The following FAAH2 variants were observed in gnomAD, a reference collection of about 807,000 sequenced individuals.
The protein encoded by FAAH2 is fatty-acid amide hydrolase 2.
In FAAH2, 60 loss-of-function variants were observed where a neutral mutation model predicts 36.9. The observed-to-expected ratio is 1.63, with a 90% CI of 1.32 to 2.02. FAAH2 has a LOEUF of 2.02. Ranked by LOEUF, FAAH2 falls within the 30% of genes most tolerant of loss-of-function variation. FAAH2 has a pLI of 0.00. For synonymous variants in FAAH2, 214 were observed against 143.8 expected (o/e 1.49, Z -3.49); for missense variants, 689 against 397.5 (o/e 1.73, Z -6.23).
At chrX:57,152,124 C>T in the FAAH2 span, among the ~76,000 whole-genome samples, 2 of 111,738 alleles carry the variant, frequency 1.8e-5, no homozygotes. Flanking sequence ...GATCATTCCT[C>T]TGGAAGTTTT....
intron 10 of FAAH2, among the ~76,000 whole-genome samples, chrX:57,455,428 G>T (rs1233398854): frequency 9.0e-6 from 1 of 110,838 alleles, no homozygotes; most frequent in Non-Finnish European, 1.9e-5. Context: ...ATGATGACAG[G>T]ATCAAAATCT....
chrX:57,446,900 G>T (rs1354153364), intron 8 of FAAH2, 28 bp from the exon 9 acceptor site: 1 of 1,117,233 alleles, frequency 9.0e-7, no homozygotes, highest in South Asian at 1.9e-5. Flanking sequence ...AAATACTCTT[G>T]TATTTTATTT....
the FAAH2 span, among the ~76,000 whole-genome samples, chrX:57,225,761 TTCTA>T: frequency 0.074 from 8,244 of 111,707 alleles, 760 homozygotes; most frequent in African/African-American, 0.26. Context: ...ACTATTATGA[TTCTA>T]TCTATCTCAT....
chrX:57,394,652 C>G, intron 7 of FAAH2: 1 of 951,246 alleles, frequency 1.1e-6, no homozygotes, highest in Non-Finnish European at 1.5e-6. Context: ...CGTCGTATGC[C>G]ACATCACCCA....
chrX:57,446,107 G>T (rs2056668901), intron 8 of FAAH2, among the ~76,000 whole-genome samples: 1 of 112,097 alleles, frequency 8.9e-6, no homozygotes, highest in Non-Finnish European at 1.9e-5. Flanking sequence ...GCAGGACTGG[G>T]TTGCAATGCA....
intron 10 of FAAH2, among the ~76,000 whole-genome samples, chrX:57,472,522 A>G (rs1295010901): frequency 1.8e-5 from 2 of 111,321 alleles, no homozygotes; most frequent in African/African-American, 6.5e-5. Context: ...CTACACTTTG[A>G]TTTTTTGGAA....
chrX:57,472,807 G>A (rs753066713), intron 10 of FAAH2, among the ~76,000 whole-genome samples: 31 of 111,084 alleles, frequency 2.8e-4, no homozygotes, highest in South Asian at 3.7e-4. Flanking sequence ...TAGTTTGTGT[G>A]CATAGAATTG....
the FAAH2 span, among the ~76,000 whole-genome samples, chrX:57,265,389 G>T: frequency 8.9e-6 from 1 of 111,823 alleles, no homozygotes; most frequent in Admixed American, 9.5e-5. Context: ...ACTGGCTTAG[G>T]ATTCCAGCCA....
intron 7 of FAAH2, among the ~76,000 whole-genome samples, chrX:57,396,938 G>T (rs900010383): frequency 9.0e-6 from 1 of 111,326 alleles, no homozygotes. Flanking sequence ...AGTTATTTAC[G>T]TTTCCCACTA....
chrX:57,180,341 A>G, the FAAH2 span, among the ~76,000 whole-genome samples: 1 of 111,723 alleles, frequency 9.0e-6, no homozygotes, highest in Non-Finnish European at 1.9e-5. Context: ...TTTAAAAAAT[A>G]TAGGATAAAT....
Position 57,489,004 on chromosome X carries a change from A to G in FAAH2, c.*72A>G. On this transcript the variant is annotated 3_prime_UTR_variant, in exon 11 of 11. Transcript: ENST00000374900. ...GGTGGTGTTTCTATTAATTGGGTGA[A>G]ATCAAGCACCAGCAGACAAGCAGAG... 1 of 1,010,554 alleles carries G rather than the reference A, an allele frequency of 9.9e-7. No homozygotes were observed. Among genetic ancestry groups the G allele is most frequent in the Non-Finnish European group, 1.3e-6 (1 of 760,070 alleles). 83.3% of individuals were successfully genotyped at this position (1,010,554 alleles called of 1,213,427 possible).
At chrX:57,360,811 G>C (rs1216787126) in intron 5 of FAAH2, among the ~76,000 whole-genome samples, 1 of 110,434 alleles carries the variant, frequency 9.1e-6, no homozygotes, top group East Asian at 2.9e-4. Flanking sequence ...ATGTGCCCTA[G>C]TGCTCTTCCT....
the FAAH2 span, among the ~76,000 whole-genome samples, chrX:57,232,331 G>T: frequency 8.9e-6 from 1 of 111,794 alleles, no homozygotes; most frequent in Non-Finnish European, 1.9e-5. Flanking sequence ...TAAGAAAATG[G>T]TGAGGGAGAG....
chrX:57,375,315 T>C (rs927936447), intron 5 of FAAH2, among the ~76,000 whole-genome samples: 2 of 108,710 alleles, frequency 1.8e-5, no homozygotes, highest in Non-Finnish European at 3.8e-5. Context: ...TCTTTGAATG[T>C]CTGGTAGAAT....
At chrX:57,281,540 T>C in the FAAH2 span, among the ~76,000 whole-genome samples, 2 of 112,526 alleles carry the variant, frequency 1.8e-5, no homozygotes, top group South Asian at 7.3e-4. Flanking sequence ...CATGTTTTCA[T>C]TATGAGTATA....
chrX:57,303,807 A>G (rs1228020539), intron 2 of FAAH2, among the ~76,000 whole-genome samples: 1 of 112,119 alleles, frequency 8.9e-6, no homozygotes, highest in Admixed American at 9.5e-5. Context: ...TTTTAACATA[A>G]GTAAGCTTCT....
chrX:57,393,544 G>A, intron 7 of FAAH2: 1 of 968,452 alleles, frequency 1.0e-6, no homozygotes, highest in Non-Finnish European at 1.5e-6. Context: ...GGCCTGCATG[G>A]ACAAACACTG....
the FAAH2 span, among the ~76,000 whole-genome samples, chrX:57,133,294 C>T: frequency 8.9e-5 from 10 of 112,577 alleles, no homozygotes; most frequent in African/African-American, 2.9e-4. Context: ...ATTACATCAT[C>T]AGTATCTGTG....
the FAAH2 span, among the ~76,000 whole-genome samples, chrX:57,265,422 C>A: frequency 8.9e-6 from 1 of 111,776 alleles, no homozygotes; most frequent in Non-Finnish European, 1.9e-5. Flanking sequence ...AGAGTTGTGT[C>A]TCTCTGTGAT....
Sources: allele counts gnomAD v4.1 joint callset (sites outside exome capture counted in the v4.1 genomes callset), GRCh38; gene constraint gnomAD v4.1.1; transcripts MANE v1.5; gene names NCBI Gene and HGNC (gene_info 2026-07-23, HGNC 2026-07-21).